The following ZDHHC20 variants were observed in gnomAD, a reference collection of about 807,000 sequenced individuals.
The protein encoded by ZDHHC20 is zDHHC palmitoyltransferase 20, also known as palmitoyltransferase ZDHHC20.
ZDHHC20 carries 43 observed loss-of-function variants against 57.8 expected under a neutral mutation model. The ratio of observed to expected loss-of-function variants is 0.74; its 90% CI spans 0.58 to 0.96. ZDHHC20 has a LOEUF of 0.96. Among genes scored for constraint, ZDHHC20 ranks in the 40% least tolerant of loss-of-function variants. ZDHHC20 has a pLI of 0.00. For missense variants in ZDHHC20, 391 were observed against 441.1 expected (o/e 0.89, Z 1.02); for synonymous variants, 157 against 153.0 (o/e 1.03, Z -0.19).
chr13:21,443,833 T>G (rs1566112787), intron 1 of ZDHHC20, among the ~76,000 whole-genome samples: 1 of 152,230 alleles, frequency 6.6e-6, no homozygotes, highest in African/African-American at 2.4e-5. Context: ...CTTCCACATG[T>G]GGCTATAGAT....
intron 1 of ZDHHC20, among the ~76,000 whole-genome samples, chr13:21,436,589 T>C (rs1271893352): frequency 1.3e-5 from 2 of 152,242 alleles, no homozygotes; most frequent in African/African-American, 4.8e-5. Context: ...CCATATACGA[T>C]GGAAAACTTA....
At chr13:21,458,368 C>G (rs988292725) in intron 1 of ZDHHC20, among the ~76,000 whole-genome samples, 4 of 152,124 alleles carry the variant, frequency 2.6e-5, no homozygotes, top group African/African-American at 9.7e-5. Context: ...TAATAATCAG[C>G]CAAGAAAAAA....
intron 6 of ZDHHC20, among the ~76,000 whole-genome samples, chr13:21,400,834 C>T (rs7989025): frequency 0.21 from 32,011 of 151,798 alleles, 3,657 homozygotes; most frequent in Non-Finnish European, 0.25. Flanking sequence ...CCTCAGACTC[C>T]CAAGTAGCTG....
intron 1 of ZDHHC20, among the ~76,000 whole-genome samples, chr13:21,436,812 A>G (rs2137983173): frequency 6.6e-6 from 1 of 152,334 alleles, no homozygotes; most frequent in South Asian, 2.1e-4. Context: ...TGAGAAAGAC[A>G]TGTTAAAAAC....
At chr13:21,378,585 AC>A (rs1382774326) in intron 12 of ZDHHC20, 75 bp downstream of exon 12, 2 of 853,122 alleles carry the variant, frequency 2.3e-6, no homozygotes, top group African/African-American at 1.8e-5. Flanking sequence ...AAAAAATACA[AC>A]TGCAAATTGT....
At chr13:21,383,149 TAG>T in intron 9 of ZDHHC20, 140 bp from the exon 10 acceptor site, 1 of 739,812 alleles carries the variant, frequency 1.4e-6, no homozygotes, top group Non-Finnish European at 2.2e-6. Flanking sequence ...ATTTCTAATT[TAG>T]GGGTTATTAC....
At chr13:21,403,711 G>C (rs777998358) in intron 4 of ZDHHC20, among the ~76,000 whole-genome samples, 1 of 152,102 alleles carries the variant, frequency 6.6e-6, no homozygotes, top group African/African-American at 2.4e-5. Flanking sequence ...TTTCTGGGAC[G>C]GAGTGTCGCT....
At chr13:21,392,212 T>TAA (rs34810017) in intron 7 of ZDHHC20, among the ~76,000 whole-genome samples, 206 of 95,770 alleles carry the variant, frequency 2.2e-3, no homozygotes, top group African/African-American at 6.0e-3. Flanking sequence ...CCCTGTCTCA[T>TAA]AAAAAAAAAA....
intron 1 of ZDHHC20, among the ~76,000 whole-genome samples, chr13:21,440,147 C>T (rs1882993852): frequency 6.7e-6 from 1 of 148,428 alleles, no homozygotes; most frequent in Non-Finnish European, 1.5e-5. Flanking sequence ...GGTAAAGGGG[C>T]ATTAGCTCTA....
chr13:21,423,337 C>G (rs1238858774), intron 2 of ZDHHC20, among the ~76,000 whole-genome samples: 3 of 152,192 alleles, frequency 2.0e-5, no homozygotes, highest in African/African-American at 7.2e-5. Flanking sequence ...TCTATCCTGT[C>G]AGTTCCCTTC....
intron 9 of ZDHHC20, among the ~76,000 whole-genome samples, chr13:21,385,760 G>T (rs1028485541): frequency 1.3e-5 from 2 of 152,130 alleles, no homozygotes; most frequent in Non-Finnish European, 2.9e-5. Context: ...TTACAGATCC[G>T]AGAAGCCTAA....
chr13:21,440,652 A>ATATGTGTGTATATATATATATGTG (rs1555264704), intron 1 of ZDHHC20, among the ~76,000 whole-genome samples: 2 of 151,952 alleles, frequency 1.3e-5, no homozygotes, highest in Non-Finnish European at 2.9e-5. Context: ...GTGTGTGTAT[A>ATATGTGTGTATATATATATATGTG]TATATATATG....
At chr13:21,395,685 GA>G (rs1176266019) in intron 7 of ZDHHC20, among the ~76,000 whole-genome samples, 1 of 150,972 alleles carries the variant, frequency 6.6e-6, no homozygotes, top group Admixed American at 6.6e-5. Context: ...ATTTTTAGTA[GA>G]GATGGGGTTT....
In ZDHHC20 at chr13:21,417,420, T is replaced by C. The variant is rs531739739; in HGVS notation, c.249+3641A>G. On this transcript the variant is annotated intron_variant, in intron 3 of 12. Coordinates refer to ENST00000400590, the MANE Select transcript of ZDHHC20 (RefSeq NM_001330059.2). Reference sequence around the variant, plus strand: ...ATTTATAACTTAACTTCCTTAAAGATTTATAGTTTTTACTTTTTATTATTA... The same window carrying C: ...ATTTATAACTTAACTTCCTTAAAGACTTATAGTTTTTACTTTTTATTATTA... 3.3e-5 allele frequency among the ~76,000 whole-genome samples: 5 copies of C among 152,182 alleles called. No individual in the cohort carries two copies. The South Asian group carries it at 8.3e-4, about 25-fold the overall frequency.
chr13:21,400,354 G>A lies in ZDHHC20; in HGVS notation c.594+19C>T. 1 of 1,568,032 alleles carries A rather than the reference G, an allele frequency of 6.4e-7. No individual in the cohort carries two copies. Among genetic ancestry groups the A allele is most frequent in the Non-Finnish European group, 8.6e-7 (1 of 1,166,048 alleles). ...TTAAAGTCTTAAATACATGTTTCAA[G>A]ATAGAAAAAAAGACTTACCGTCCAA... On this transcript the variant is annotated intron_variant, in intron 7 of 12. Coordinates refer to ENST00000400590, the MANE Select transcript of ZDHHC20 (RefSeq NM_001330059.2).
chr13:21,420,065 T>A (rs1436402532), intron 3 of ZDHHC20, among the ~76,000 whole-genome samples: 1 of 152,114 alleles, frequency 6.6e-6, no homozygotes, highest in Non-Finnish European at 1.5e-5. Context: ...GGCGGGTGGA[T>A]CACCCGAGGC....
chr13:21,383,653 C>T (rs1240498501), intron 9 of ZDHHC20, among the ~76,000 whole-genome samples: 1 of 152,130 alleles, frequency 6.6e-6, no homozygotes, highest in Non-Finnish European at 1.5e-5. Context: ...GGTAACTGAC[C>T]TGCTTATCAT....
chr13:21,400,540 A>G (rs1270996711), intron 6 of ZDHHC20, 47 bp from the exon 7 acceptor site: 2 of 1,513,612 alleles, frequency 1.3e-6, no homozygotes, highest in Non-Finnish European at 1.8e-6. Flanking sequence ...ACAAATCACA[A>G]ATTCACAGAA....
intron 7 of ZDHHC20, among the ~76,000 whole-genome samples, chr13:21,396,759 G>GTGAGCT (rs1876843590): frequency 6.6e-6 from 1 of 151,980 alleles, no homozygotes; most frequent in Admixed American, 6.6e-5. Flanking sequence ...CTTGAATCCA[G>GTGAGCT]GAGGTGAAGG....
Sources: allele counts gnomAD v4.1 joint callset (sites outside exome capture counted in the v4.1 genomes callset), GRCh38; gene constraint gnomAD v4.1.1; transcripts MANE v1.5; gene names NCBI Gene and HGNC (gene_info 2026-07-23, HGNC 2026-07-21).